Variants in ARHGAP8 observed in about 807,000 individuals in gnomAD.
ARHGAP8 encodes Rho GTPase activating protein 8, also known as rho GTPase-activating protein 8.
Under a neutral mutation model 46.1 loss-of-function variants are expected in ARHGAP8, and 62 were observed. The ratio of observed to expected loss-of-function variants is 1.34; its 90% CI spans 1.10 to 1.66. ARHGAP8 has a LOEUF of 1.66. Among genes scored for constraint, ARHGAP8 ranks in the 40% most tolerant of loss-of-function variants. The pLI is 0.00. For missense variants in ARHGAP8, 923 were observed against 568.4 expected (o/e 1.62, Z -6.34); for synonymous variants, 375 against 243.1 (o/e 1.54, Z -5.05).
At chr22:44,772,223 C>CTTTTTTTTTTTT (rs71188484) in intron 1 of ARHGAP8, among the ~76,000 whole-genome samples, 2 of 16,430 alleles carry the variant, frequency 1.2e-4, no homozygotes, top group Admixed American at 1.5e-3. Flanking sequence ...ACTGTTTTGC[C>CTTTTTTTTTTTT]TTTTTTTTTT....
At chr22:44,828,693 T>C (rs1930713697) in intron 7 of ARHGAP8, among the ~76,000 whole-genome samples, 1 of 151,188 alleles carries the variant, frequency 6.6e-6, no homozygotes, top group Non-Finnish European at 1.5e-5. Context: ...TCTCAAGTGA[T>C]CCACCTGCCT....
At chr22:44,761,017 G>T (rs567720159) in intron 1 of ARHGAP8, among the ~76,000 whole-genome samples, 1 of 152,340 alleles carries the variant, frequency 6.6e-6, no homozygotes, top group Admixed American at 6.5e-5. Context: ...CCAGGAGAAA[G>T]GGCCCACTTG....
chr22:44,844,800 A>G (rs1223895829), intron 7 of ARHGAP8, among the ~76,000 whole-genome samples: 2 of 152,194 alleles, frequency 1.3e-5, no homozygotes, highest in Non-Finnish European at 1.5e-5. Flanking sequence ...CAAAATAGTA[A>G]AGTAAGAGAC....
chr22:44,837,655 C>G (rs1310233173), intron 7 of ARHGAP8, among the ~76,000 whole-genome samples: 6 of 152,178 alleles, frequency 3.9e-5, no homozygotes, highest in Non-Finnish European at 8.8e-5. Flanking sequence ...AGCACTGACT[C>G]TGTCAGTCCA....
chr22:44,854,596 A>G (rs761075828), intron 10 of ARHGAP8, among the ~76,000 whole-genome samples: 8 of 151,938 alleles, frequency 5.3e-5, no homozygotes, highest in Non-Finnish European at 1.0e-4. Context: ...GTATGCTTGG[A>G]TTATACTTAA....
Position 44,862,726 on chromosome 22 carries a change from T to G in ARHGAP8, c.*131T>G. 2 of 1,137,910 alleles carry G rather than the reference T, an allele frequency of 1.8e-6. No individual in the cohort carries two copies. Among genetic ancestry groups the G allele is most frequent in the South Asian group, 3.6e-5 (2 of 55,112 alleles). 70.5% of individuals were successfully genotyped at this position (1,137,910 alleles called of 1,614,324 possible). A position where few individuals can be genotyped will look rare whatever the true frequency, so the allele number is the denominator to read the frequency against. ...TCAGAACCTTCTAATGAAAACTCCA[T>G]GCCTCTGGTCCTTGGACTCTTGTCC... On this transcript the variant is annotated 3_prime_UTR_variant, in exon 12 of 12. Transcript: ENST00000356099.
intron 4 of ARHGAP8, among the ~76,000 whole-genome samples, chr22:44,814,368 C>A (rs1274580323): frequency 6.6e-6 from 1 of 152,132 alleles, no homozygotes; most frequent in African/African-American, 2.4e-5. Flanking sequence ...TGCCAAATTG[C>A]CCCCAGGATG....
chr22:44,809,427 G>A (rs1293665591), intron 4 of ARHGAP8: 7 of 350,144 alleles, frequency 2.0e-5, no homozygotes, highest in South Asian at 1.5e-4. Context: ...CTGCATGACC[G>A]TTTCTTCACT....
chr22:44,810,906 T>A (rs9626566), intron 4 of ARHGAP8, among the ~76,000 whole-genome samples: 3,114 of 150,222 alleles, frequency 0.021, 107 homozygotes, highest in African/African-American at 0.073. Flanking sequence ...AAGCGAGTGA[T>A]GTGTTTAAAG....
intron 7 of ARHGAP8, among the ~76,000 whole-genome samples, chr22:44,828,387 G>C (rs1930684950): frequency 6.6e-6 from 1 of 150,732 alleles, no homozygotes; most frequent in African/African-American, 2.4e-5. Context: ...GCACTGGTGA[G>C]AACTCAGCCC....
intron 7 of ARHGAP8, among the ~76,000 whole-genome samples, chr22:44,831,438 A>G (rs5766073): frequency 0.2 from 30,652 of 152,106 alleles, 4,228 homozygotes; most frequent in East Asian, 0.73. Flanking sequence ...GCTCACGCCT[A>G]TAATCCCAGC....
At chr22:44,806,534 G>A (rs1267354125) in intron 3 of ARHGAP8, among the ~76,000 whole-genome samples, 1 of 152,132 alleles carries the variant, frequency 6.6e-6, no homozygotes, top group Non-Finnish European at 1.5e-5. Context: ...AGTCTCAGTT[G>A]ACTTGTCTAT....
chr22:44,768,865 GTC>G (rs1311849064), intron 1 of ARHGAP8, among the ~76,000 whole-genome samples: 1 of 148,328 alleles, frequency 6.7e-6, no homozygotes, highest in Admixed American at 6.7e-5. Flanking sequence ...TCAAGACAGA[GTC>G]TCTGTTGCCC....
intron 1 of ARHGAP8, among the ~76,000 whole-genome samples, chr22:44,766,524 GTGTC>G (rs1312492502): frequency 2.0e-5 from 3 of 152,234 alleles, no homozygotes; most frequent in South Asian, 4.1e-4. Flanking sequence ...CTGTGTGCGT[GTGTC>G]TGTAGGCATG....
At chr22:44,838,296 C>G (rs1270460675) in intron 7 of ARHGAP8, among the ~76,000 whole-genome samples, 2 of 152,168 alleles carry the variant, frequency 1.3e-5, no homozygotes, top group Admixed American at 1.3e-4. Context: ...TGCCACCACA[C>G]CTGGCTAATT....
chr22:44,860,101 T>C (rs1051910511), intron 11 of ARHGAP8, among the ~76,000 whole-genome samples: 15 of 152,254 alleles, frequency 9.9e-5, no homozygotes, highest in Non-Finnish European at 8.8e-5. Flanking sequence ...GTGACTTTTG[T>C]TATTGGGGTC....
At chr22:44,781,520 T>G (rs1284281709) in intron 1 of ARHGAP8, among the ~76,000 whole-genome samples, 1 of 152,104 alleles carries the variant, frequency 6.6e-6, no homozygotes, top group East Asian at 1.9e-4. Context: ...TATTTTATTT[T>G]TTAAATGTTT....
At chr22:44,839,075 C>G (rs1235131227) in intron 7 of ARHGAP8, among the ~76,000 whole-genome samples, 1 of 152,006 alleles carries the variant, frequency 6.6e-6, no homozygotes, top group Non-Finnish European at 1.5e-5. Context: ...CCTAAGGAAC[C>G]AGAGAGGAGG....
intron 10 of ARHGAP8, among the ~76,000 whole-genome samples, chr22:44,854,272 T>C (rs1386821239): frequency 1.3e-5 from 2 of 151,178 alleles, no homozygotes; most frequent in Admixed American, 1.3e-4. Context: ...AGTCTTGCTT[T>C]GTTGCCCAGG....
Sources: allele counts gnomAD v4.1 joint callset (sites outside exome capture counted in the v4.1 genomes callset), GRCh38; gene constraint gnomAD v4.1.1; transcripts MANE v1.5; gene names NCBI Gene and HGNC (gene_info 2026-07-23, HGNC 2026-07-21).